The following NOX4 variants were observed in gnomAD, a reference collection of about 807,000 sequenced individuals.
NOX4 encodes the protein NADPH oxidase 4.
Under a neutral mutation model 87.6 loss-of-function variants are expected in NOX4, and 69 were observed. The ratio of observed to expected loss-of-function variants is 0.79; its 90% CI spans 0.65 to 0.96. NOX4 has a LOEUF of 0.96. Among genes scored for constraint, NOX4 ranks in the 40% least tolerant of loss-of-function variants. NOX4 has a pLI of 0.00. For missense variants in NOX4, 680 were observed against 681.5 expected (o/e 1.00, Z 0.02); for synonymous variants, 275 against 238.2 (o/e 1.15, Z -1.42).
intron 11 of NOX4, among the ~76,000 whole-genome samples, chr11:89,397,128 A>G (rs978171941): frequency 6.6e-6 from 1 of 152,218 alleles, no homozygotes; most frequent in African/African-American, 2.4e-5. Context: ...CTCTCAGACC[A>G]CAGTGCAATC....
At chr11:89,408,283 T>A (rs1355608534) in intron 8 of NOX4, among the ~76,000 whole-genome samples, 1 of 152,164 alleles carries the variant, frequency 6.6e-6, no homozygotes, top group African/African-American at 2.4e-5. Flanking sequence ...ACAACTTTTG[T>A]TGTGATTGTT....
chr11:89,512,961 T>G, the NOX4 span, among the ~76,000 whole-genome samples: 2 of 152,088 alleles, frequency 1.3e-5, no homozygotes, highest in African/African-American at 4.8e-5. Flanking sequence ...GAAAATATGT[T>G]GAGGAAGTAA....
chr11:89,338,929 C>CTGATGCTGGA (rs1945849616), intron 15 of NOX4, among the ~76,000 whole-genome samples: 1 of 152,092 alleles, frequency 6.6e-6, no homozygotes, highest in Middle Eastern at 3.2e-3. Flanking sequence ...ATCTCAGAAC[C>CTGATGCTGGA]TGATGCTGGA....
intron 2 of NOX4, among the ~76,000 whole-genome samples, chr11:89,471,026 G>A (rs35127339): frequency 3.9e-5 from 6 of 151,966 alleles, no homozygotes; most frequent in Non-Finnish European, 8.8e-5. Context: ...GAAAGTGTCC[G>A]AGTGTCACTT....
chr11:89,354,900 C>A (rs1485015604), intron 13 of NOX4, 62 bp downstream of exon 13: 6 of 1,055,724 alleles, frequency 5.7e-6, no homozygotes, highest in Non-Finnish European at 8.4e-6. Context: ...TTTGCCTGCC[C>A]AAATCTCTCC....
chr11:89,448,700 G>A, intron 4 of NOX4, among the ~76,000 whole-genome samples: 1 of 151,764 alleles, frequency 6.6e-6, no homozygotes. Context: ...TGGGCAACAT[G>A]GTGAAAGCCC....
intron 12 of NOX4, among the ~76,000 whole-genome samples, chr11:89,371,648 G>T (rs1346566362): frequency 6.6e-6 from 1 of 150,732 alleles, no homozygotes; most frequent in African/African-American, 2.4e-5. Context: ...CACCAGAAAA[G>T]AACTTTCCTT....
At position 89,335,825 on chromosome 11, in the gene NOX4, T is replaced by G. The variant is rs756601346; in HGVS notation, c.1616+20A>C. 2 of 1,199,954 alleles carry G rather than the reference T, an allele frequency of 1.7e-6. No individual in the cohort carries two copies. The highest frequency in any genetic ancestry group is 5.1e-5 in the Admixed American group (2 of 39,314). The allele number at this position is 1,199,954 out of a possible 1,614,324, so 74.3% of individuals were successfully genotyped here. A position where few individuals can be genotyped will look rare whatever the true frequency, so the allele number is the denominator to read the frequency against. ...TTATTTTATTAGCCACATATCAAAT[T>G]TTTGAGGTATAGTACTTACCCTCTG... On this transcript the variant is annotated intron_variant, in intron 17 of 17. Transcript: ENST00000263317.
intron 17 of NOX4, 139 bp from the exon 18 acceptor site, chr11:89,327,015 A>G: frequency 1.4e-6 from 1 of 731,192 alleles, no homozygotes; most frequent in Admixed American, 3.1e-5. Flanking sequence ...CAATTTTCTA[A>G]TTATTTCCAA....
At chr11:89,358,778 T>G (rs1467360303) in intron 12 of NOX4, among the ~76,000 whole-genome samples, 1 of 151,898 alleles carries the variant, frequency 6.6e-6, no homozygotes, top group South Asian at 2.1e-4. Flanking sequence ...AAAAAAGATA[T>G]ATTAATGCTA....
chr11:89,447,547 C>A (rs988838410), intron 4 of NOX4, among the ~76,000 whole-genome samples: 4 of 152,056 alleles, frequency 2.6e-5, no homozygotes, highest in Non-Finnish European at 5.9e-5. Flanking sequence ...TAGAGTCATC[C>A]CTATTTTACA....
At chr11:89,549,534 A>C in the NOX4 span, among the ~76,000 whole-genome samples, 19 of 152,300 alleles carry the variant, frequency 1.2e-4, no homozygotes, top group Admixed American at 3.3e-4. Context: ...ATACATGTGC[A>C]GGGCATGCAG....
At chr11:89,398,649 T>C (rs997484749) in intron 11 of NOX4, among the ~76,000 whole-genome samples, 8 of 150,908 alleles carry the variant, frequency 5.3e-5, no homozygotes, top group African/African-American at 1.9e-4. Context: ...TTTTACAACA[T>C]GCTTTACAAC....
rs565965892 is a variant in NOX4 at position 89,455,212 on chromosome 11, T to A, written c.154-3317A>T. Among the ~76,000 whole-genome samples the A allele has an allele frequency of 1.5e-4, 23 of 151,798 alleles. 1 individual carries two copies. The highest frequency in any genetic ancestry group is 3.2e-3 in the Middle Eastern group (1 of 316). On this transcript the variant is annotated intron_variant, in intron 2 of 17. Coordinates refer to ENST00000263317, the MANE Select transcript of NOX4 (RefSeq NM_016931.5). ...TAGCCAGCACCATTTCCTCTTTAGT[T>A]GGTATATGAATTAATGTGTTTGTGT...
At chr11:89,512,281 C>T in the NOX4 span, among the ~76,000 whole-genome samples, 1 of 151,966 alleles carries the variant, frequency 6.6e-6, no homozygotes, top group African/African-American at 2.4e-5. Context: ...TATAATAAAA[C>T]ACTTGATATA....
At chr11:89,509,156 G>A in the NOX4 span, among the ~76,000 whole-genome samples, 1 of 151,960 alleles carries the variant, frequency 6.6e-6, no homozygotes, top group Non-Finnish European at 1.5e-5. Flanking sequence ...AAATCATTCT[G>A]AGCAAACCTA....
At chr11:89,557,997 G>T in the NOX4 span, among the ~76,000 whole-genome samples, 2 of 152,126 alleles carry the variant, frequency 1.3e-5, no homozygotes, top group Non-Finnish European at 2.9e-5. Context: ...TTCAAATACA[G>T]CTCAGTGTTT....
At chr11:89,406,242 T>G (rs1323531634) in intron 8 of NOX4, among the ~76,000 whole-genome samples, 4 of 152,124 alleles carry the variant, frequency 2.6e-5, no homozygotes, top group Non-Finnish European at 1.5e-5. Flanking sequence ...ATATTTGGAT[T>G]GATAGACAAA....
At chr11:89,428,477 A>C (rs1212601664) in intron 7 of NOX4, among the ~76,000 whole-genome samples, 2 of 94,516 alleles carry the variant, frequency 2.1e-5, no homozygotes, top group African/African-American at 1.7e-4. Flanking sequence ...AACCCATCTC[A>C]CATGCAGACA....
Sources: gnomAD v4.1 joint callset for allele counts (sites outside exome capture counted in the v4.1 genomes callset) on GRCh38, gnomAD v4.1.1 for gene constraint, MANE v1.5 for transcripts, NCBI Gene and HGNC (gene_info 2026-07-23, HGNC 2026-07-21) for gene names.